Variants in PKHD1 observed in about 807,000 individuals in gnomAD.
PKHD1 encodes the protein PKHD1 ciliary IPT domain containing fibrocystin/polyductin.
In PKHD1, 291 loss-of-function variants were observed where a neutral mutation model predicts 412.0. The ratio of observed to expected loss-of-function variants is 0.71; its 90% confidence interval spans 0.64 to 0.78. The LOEUF is 0.78. PKHD1 is among the 30% of genes least tolerant of loss of function. The probability of loss-of-function intolerance (pLI) is 0.00; values close to 1 mark genes in which losing one functional copy is unlikely to be tolerated. For missense variants in PKHD1, 4,825 were observed against 4,950.7 expected (o/e 0.97, Z 0.76); for synonymous variants, 1,777 against 1,821.5 (o/e 0.98, Z 0.62).
At chr6:51,855,831 A>G in intron 49 of PKHD1, 62 bp downstream of exon 49, 4 of 1,308,130 alleles carry the variant, frequency 3.1e-6, no homozygotes, top group Non-Finnish European at 4.4e-6. Context: ...CATTATCTCA[A>G]ACAAAGAAAG....
chr6:52,023,356 C>T (rs1313200622), intron 32 of PKHD1, among the ~76,000 whole-genome samples: 1 of 152,086 alleles, frequency 6.6e-6, no homozygotes, highest in Non-Finnish European at 1.5e-5. Context: ...GTTTCTGATT[C>T]AAAGCATTAT....
At chr6:52,027,588 A>G (rs892726107) in intron 31 of PKHD1, among the ~76,000 whole-genome samples, 11 of 150,262 alleles carry the variant, frequency 7.3e-5, no homozygotes, top group Non-Finnish European at 1.5e-4. Context: ...AAGAAAAAAA[A>G]AAGAAAAGAA....
Position 51,887,172 on chromosome 6 carries a change from A to G in PKHD1, c.7070T>C (p.Leu2357Pro), listed in dbSNP as rs777960195. The G allele has an allele frequency of 4.3e-6, 7 of 1,613,374 alleles. No individual in the cohort carries two copies. Among genetic ancestry groups the G allele is most frequent in the Non-Finnish European group, 4.2e-6 (5 of 1,179,298 alleles). Residue 2357 changes from leucine (L) to proline (P), a missense_variant, in exon 44 of 67, where the codon CTT becomes CCT. By Grantham distance (98) the Leu-to-Pro change is moderately conservative. Transcript: ENST00000371117. ...TGCAATGTTCTGAGTGAAGGAAAGAAGCGGAGCTTGTGATGTTTGGTTGGT... is the reference window on the plus strand; with the variant it reads ...TGCAATGTTCTGAGTGAAGGAAAGAGGCGGAGCTTGTGATGTTTGGTTGGT... Reference protein sequence around the residue: ...LMTNQTSQAPLLSFTQNIAHS... With the variant: ...LMTNQTSQAPPLSFTQNIAHS...
chr6:51,638,196 A>G (rs1350403172), intron 64 of PKHD1, among the ~76,000 whole-genome samples: 1 of 152,132 alleles, frequency 6.6e-6, no homozygotes, highest in Non-Finnish European at 1.5e-5. Context: ...ATCCATTGCA[A>G]ACTTATTTCA....
chr6:51,772,759 G>A lies in PKHD1; in HGVS notation c.8585C>T (p.Ala2862Val). 3 of 1,596,702 alleles carry A rather than the reference G, an allele frequency of 1.9e-6. No individual in the cohort carries two copies. Among genetic ancestry groups the A allele is most frequent in the Non-Finnish European group, 2.6e-6 (3 of 1,164,678 alleles). Residue 2862 changes from alanine to valine, a missense_variant, in exon 55 of 67, where the codon GCT becomes GTT. Physicochemically the swap from Ala to Val is moderately conservative, Grantham distance 64 (BLOSUM62 0). Transcript: ENST00000371117. ...ATGTGTCCAGGAGTTCTTAGGATAA[G>A]CACTGTAAAGATGAACTTTCCCATA... ...GVYGKVHLYS[A>V]YPKNSWTHLG...
intron 65 of PKHD1, among the ~76,000 whole-genome samples, chr6:51,629,805 T>G (rs1767713182): frequency 6.6e-6 from 1 of 152,142 alleles, no homozygotes; most frequent in South Asian, 2.1e-4. Context: ...TGGTTATTCA[T>G]ACTTGTATAT....
At chr6:51,703,050 G>C (rs1284552283) in intron 60 of PKHD1, among the ~76,000 whole-genome samples, 3 of 151,800 alleles carry the variant, frequency 2.0e-5, no homozygotes, top group Non-Finnish European at 4.4e-5. Context: ...CACAATGATG[G>C]CATGTAATGT....
chr6:51,904,074 AT>A, intron 41 of PKHD1, 32 bp from the exon 42 acceptor site: 1 of 1,410,056 alleles, frequency 7.1e-7, no homozygotes, highest in Non-Finnish European at 1.0e-6. Flanking sequence ...ACTTGAGTAT[AT>A]TTTATGTCAC....
At chr6:51,739,115 ATT>A (rs199591072) in intron 60 of PKHD1, among the ~76,000 whole-genome samples, 1 of 146,396 alleles carries the variant, frequency 6.8e-6, no homozygotes, top group Admixed American at 6.9e-5. Flanking sequence ...ATATTTATAT[ATT>A]TTTTTACATA....
chr6:51,950,220 A>AAAATATAT lies in PKHD1; in HGVS notation c.5908+9649_5908+9650insATATATTT. ...AATGGGCAATATAGAGAAAAAAAAA[A>AAAATATAT]ATATATATATATATATATATGAAAT... On this transcript the variant is annotated intron_variant, in intron 36 of 66. Transcript: ENST00000371117. Among the ~76,000 whole-genome samples, 371 of 98,278 alleles carry AAAATATAT rather than the reference A, an allele frequency of 3.8e-3. 2 individuals carry two copies. The highest frequency in any genetic ancestry group is 9.7e-3 in the Middle Eastern group (2 of 206). The allele number at this position is 98,278 out of a possible 152,430, so 64.5% of individuals were successfully genotyped here. A position where few individuals can be genotyped will look rare whatever the true frequency, so the allele number is the denominator to read the frequency against.
rs193139324 is a variant in PKHD1, at chr6:51,696,493, C to T, written c.10157-36524G>A. On this transcript the variant is annotated intron_variant, in intron 60 of 66. Coordinates refer to ENST00000371117, the MANE Select transcript of PKHD1 (RefSeq NM_138694.4). ...AAGTCTCAAACCAAGGACTGAGAAA[C>T]TCAACCCCTTCTGTGCAACCTCCCC... Among the ~76,000 whole-genome samples the T allele has an allele frequency of 5.3e-5, 8 of 152,306 alleles. No individual in the cohort carries two copies. The East Asian group carries it at 7.7e-4, about 15-fold the overall frequency.
intron 55 of PKHD1, among the ~76,000 whole-genome samples, chr6:51,771,046 T>C (rs1475611382): frequency 1.3e-5 from 2 of 152,078 alleles, no homozygotes; most frequent in Admixed American, 1.3e-4. Flanking sequence ...TTCCGTACTT[T>C]ACAACATACT....
Position 51,934,253 on chromosome 6 carries a change from C to A in PKHD1, c.5978G>T (p.Gly1993Val), listed in dbSNP as rs1187887349. 1 of 1,613,876 alleles carries A rather than the reference C, an allele frequency of 6.2e-7. No individual in the cohort carries two copies. Among genetic ancestry groups the A allele is most frequent in the Non-Finnish European group, 8.5e-7 (1 of 1,179,944 alleles). ...LRAHAILVSD[G>V]GELRIGSEDK... is the part of the protein sequence containing the mutation. ...TTCGGATCCAATCCGGAGCTCTCCA[C>A]CATCAGAAACAAGGATGGCGTGTGC... is the stretch of plus-strand genomic sequence containing the variant. Residue 1993 changes from glycine (G) to valine (V), a missense_variant, in exon 37 of 67, where the codon GGT becomes GTT. By Grantham distance (109) the Gly-to-Val change is moderately radical (BLOSUM62 -3). Coordinates refer to ENST00000371117, the MANE Select transcript of PKHD1 (RefSeq NM_138694.4).
chr6:51,748,406 C>T lies in PKHD1; in HGVS notation c.9210G>A (p.Gln3070=). 1 of 1,614,066 alleles carries T rather than the reference C, an allele frequency of 6.2e-7. No individual in the cohort carries two copies. Among genetic ancestry groups the T allele is most frequent in the South Asian group, 1.1e-5 (1 of 91,090 alleles). The part of the protein sequence containing the change: ...VTNNLVVLMT[Q]PAWSTIWVAG... ...CCACCCAAATGGTGGACCACGCTGG[C>T]TGTGTCATCAGAACCACAAGGTTAT... The change falls in exon 58 of 67, where the codon CAG becomes CAA. Residue 3070 remains glutamine, a synonymous_variant. Transcript: ENST00000371117.
At chr6:51,870,143 A>G (rs997402658) in intron 47 of PKHD1, among the ~76,000 whole-genome samples, 13 of 152,206 alleles carry the variant, frequency 8.5e-5, no homozygotes, top group African/African-American at 3.1e-4. Context: ...ATCTAACTCC[A>G]TTCTTTCATT....
intron 53 of PKHD1, among the ~76,000 whole-genome samples, chr6:51,781,168 C>T (rs1209474347): frequency 9.9e-5 from 15 of 152,122 alleles, no homozygotes. Flanking sequence ...GTAAATAGCA[C>T]TCAACCAAGT....
chr6:51,963,141 CT>C (rs1209447076), intron 35 of PKHD1, among the ~76,000 whole-genome samples: 1 of 152,074 alleles, frequency 6.6e-6, no homozygotes, highest in Non-Finnish European at 1.5e-5. Context: ...GCTATATCCC[CT>C]AGGTCTTCTG....
At chr6:51,998,727 C>T (rs1798003675) in intron 35 of PKHD1, among the ~76,000 whole-genome samples, 1 of 151,598 alleles carries the variant, frequency 6.6e-6, no homozygotes, top group Non-Finnish European at 1.5e-5. Context: ...GTAGTTTATT[C>T]CCTCATTAAA....
chr6:51,893,500 G>A (rs989164557), intron 43 of PKHD1, among the ~76,000 whole-genome samples: 7 of 152,170 alleles, frequency 4.6e-5, no homozygotes, highest in Admixed American at 2.6e-4. Context: ...CAGTCAGATC[G>A]CATTCCTTCC....
Sources: allele counts gnomAD v4.1 joint callset (sites outside exome capture counted in the v4.1 genomes callset), GRCh38; gene constraint gnomAD v4.1.1; transcripts MANE v1.5; gene names NCBI Gene and HGNC (gene_info 2026-07-23, HGNC 2026-07-21).